Variants in TTC7B observed in about 807,000 individuals in gnomAD.
TTC7B encodes tetratricopeptide repeat domain 7B.
Under a neutral mutation model 106.8 loss-of-function variants are expected in TTC7B, and 28 were observed. That is an observed-to-expected ratio of 0.26 (90% CI 0.19 to 0.36). The LOEUF is 0.36. TTC7B is among the 10% of genes least tolerant of loss of function. The probability of loss-of-function intolerance (pLI) is 1.00; values close to 1 mark genes in which losing one functional copy is unlikely to be tolerated. For synonymous variants in TTC7B, 405 were observed against 430.6 expected, an observed-to-expected ratio of 0.94 and a Z score of 0.74; for missense variants, 862 against 1,076.4, an observed-to-expected ratio of 0.80 and a Z score of 2.79.
At chr14:90,603,367 T>C in intron 17 of TTC7B, 1 of 1,168,480 alleles carries the variant, frequency 8.6e-7, no homozygotes. Context: ...AAATCAAAAT[T>C]AAGACTAAAA....
intron 19 of TTC7B, among the ~76,000 whole-genome samples, chr14:90,550,402 A>AT (rs1250341174): frequency 6.6e-6 from 1 of 152,170 alleles, no homozygotes; most frequent in African/African-American, 2.4e-5. Context: ...ACATGCACAC[A>AT]TCCCCCTTTT....
chr14:90,526,030 C>G lies in TTC7B; in HGVS notation c.*15338G>C. 6.6e-6 allele frequency: 1 copy of G among 151,676 alleles called. No homozygotes were observed. The highest frequency in any genetic ancestry group is 1.9e-4 in the East Asian group (1 of 5,194). 9.4% of individuals were successfully genotyped at this position (151,676 alleles called of 1,614,324 possible). Reference sequence around the variant, plus strand: ...GTATTTTATATTTGTACATATATTTCCTTTTCTCTGGGGTACATACTAAGA... The same window carrying G: ...GTATTTTATATTTGTACATATATTTGCTTTTCTCTGGGGTACATACTAAGA... On this transcript the variant is annotated 3_prime_UTR_variant, in exon 20 of 20. Transcript: ENST00000328459.
At chr14:90,588,345 G>C (rs996745979) in intron 18 of TTC7B, among the ~76,000 whole-genome samples, 2 of 152,254 alleles carry the variant, frequency 1.3e-5, no homozygotes, top group African/African-American at 4.8e-5. Context: ...TTTCAACCAT[G>C]AGAGGTGCCA....
At chr14:90,734,395 G>A (rs1344513237) in intron 4 of TTC7B, among the ~76,000 whole-genome samples, 1 of 147,686 alleles carries the variant, frequency 6.8e-6, no homozygotes, top group Non-Finnish European at 1.5e-5. Context: ...ACACCAGCCT[G>A]AGTGACAGAG....
intron 7 of TTC7B, among the ~76,000 whole-genome samples, chr14:90,689,232 T>C (rs1253908178): frequency 6.6e-6 from 1 of 152,184 alleles, no homozygotes; most frequent in African/African-American, 2.4e-5. Context: ...TATTTCTGAT[T>C]GCTGTCTGAT....
chr14:90,788,862 C>A (rs1437292517), intron 1 of TTC7B, among the ~76,000 whole-genome samples: 2 of 151,816 alleles, frequency 1.3e-5, no homozygotes, highest in Non-Finnish European at 2.9e-5. Context: ...ACTTGGCAGG[C>A]TGAGGCAGGA....
intron 18 of TTC7B, among the ~76,000 whole-genome samples, chr14:90,582,227 C>T (rs1385871062): frequency 6.6e-6 from 1 of 152,222 alleles, no homozygotes; most frequent in African/African-American, 2.4e-5. Context: ...CCTCTCTCTG[C>T]CTCTGAGGCG....
rs776940072 is a variant in TTC7B at position 90,689,528 on chromosome 14, CA to C, written c.950+11del. 349 of 1,610,848 alleles carry C rather than the reference CA, an allele frequency of 2.2e-4. 2 individuals carry two copies. The highest frequency in any genetic ancestry group is 6.3e-4 in the South Asian group (57 of 90,652). On this transcript the variant is annotated intron_variant, in intron 7 of 19. Coordinates refer to ENST00000328459, the MANE Select transcript of TTC7B (RefSeq NM_001010854.2). ...ACCCATAACCTACAAGTGAGGACAT[CA>C]ACTTTCATACTTCTCTCCTGAGTAG...
intron 3 of TTC7B, among the ~76,000 whole-genome samples, chr14:90,780,137 T>G (rs1216177173): frequency 6.6e-6 from 1 of 152,042 alleles, no homozygotes; most frequent in East Asian, 1.9e-4. Flanking sequence ...ATCCCAGCAC[T>G]TTGGGAGGCT....
chr14:90,598,137 C>T (rs1892285993), intron 17 of TTC7B, among the ~76,000 whole-genome samples: 2 of 152,290 alleles, frequency 1.3e-5, no homozygotes, highest in East Asian at 1.9e-4. Context: ...GGAGACAATG[C>T]GCCTCTCCCC....
At chr14:90,649,786 C>A (rs1021222552) in intron 13 of TTC7B, among the ~76,000 whole-genome samples, 3 of 151,752 alleles carry the variant, frequency 2.0e-5, no homozygotes, top group Non-Finnish European at 4.4e-5. Context: ...CATCCACCTA[C>A]CCATCCATCC....
chr14:90,662,050 T>C (rs950009912), intron 9 of TTC7B, among the ~76,000 whole-genome samples: 1 of 152,178 alleles, frequency 6.6e-6, no homozygotes, highest in African/African-American at 2.4e-5. Flanking sequence ...TGGAGATCAC[T>C]TGGGGAGCAT....
intron 17 of TTC7B, among the ~76,000 whole-genome samples, chr14:90,594,515 G>C (rs1187484975): frequency 6.6e-6 from 1 of 152,102 alleles, no homozygotes; most frequent in Non-Finnish European, 1.5e-5. Flanking sequence ...TTAGAATCAA[G>C]AGCAGGATTC....
chr14:90,645,327 A>C (rs1223992928), intron 14 of TTC7B, among the ~76,000 whole-genome samples: 1 of 152,172 alleles, frequency 6.6e-6, no homozygotes, highest in Non-Finnish European at 1.5e-5. Flanking sequence ...GAACCATAGA[A>C]TCACAGCTCT....
chr14:90,590,614 T>C (rs184730119), intron 18 of TTC7B, among the ~76,000 whole-genome samples: 5 of 152,352 alleles, frequency 3.3e-5, no homozygotes, highest in South Asian at 2.1e-4. Context: ...CTGGTTTCCA[T>C]GAACTGCCAA....
intron 3 of TTC7B, among the ~76,000 whole-genome samples, chr14:90,745,244 C>T (rs532689766): frequency 6.7e-6 from 1 of 148,242 alleles, no homozygotes; most frequent in South Asian, 2.1e-4. Flanking sequence ...TGCAGTGAGC[C>T]ATGACTGCAC....
At chr14:90,561,386 G>T (rs1439095874) in intron 19 of TTC7B, among the ~76,000 whole-genome samples, 2 of 152,236 alleles carry the variant, frequency 1.3e-5, no homozygotes, top group African/African-American at 2.4e-5. Flanking sequence ...AGTCACTGTT[G>T]TTATGGGCTT....
At chr14:90,815,018 G>A (rs929040049) in intron 1 of TTC7B, among the ~76,000 whole-genome samples, 2 of 152,104 alleles carry the variant, frequency 1.3e-5, no homozygotes, top group Admixed American at 6.5e-5. Flanking sequence ...CCCTCCAGGA[G>A]GACACCTGAC....
In TTC7B at chr14:90,757,564, G is replaced by T. The variant is rs1386556040; in HGVS notation, c.446-12642C>A. 1.3e-5 allele frequency among the ~76,000 whole-genome samples: 2 copies of T among 152,150 alleles called. No homozygotes were observed. Among genetic ancestry groups the T allele is most frequent in the Non-Finnish European group, 2.9e-5 (2 of 68,026 alleles). ...CAAGCTCAGAGATGATTTGCCCAAG[G>T]TCACATGGGCAAATCCTGATCCAAT... On this transcript the variant is annotated intron_variant, in intron 3 of 19. Coordinates refer to ENST00000328459, the MANE Select transcript of TTC7B (RefSeq NM_001010854.2). The surrounding 1 kb of genome is among the most constrained non-coding windows in gnomAD (Gnocchi z 4.1).
Sources: allele counts gnomAD v4.1 joint callset (sites outside exome capture counted in the v4.1 genomes callset), GRCh38; gene constraint gnomAD v4.1.1; non-coding constraint Gnocchi (gnomAD v3.1); transcripts MANE v1.5; gene names NCBI Gene and HGNC (gene_info 2026-07-23, HGNC 2026-07-21).